DEPDC5: variants seen among roughly 807,000 people sequenced by gnomAD.
The protein encoded by DEPDC5 is GATOR1 complex protein DEPDC5.
Under a neutral mutation model 217.3 loss-of-function variants are expected in DEPDC5, and 73 were observed. The ratio of observed to expected loss-of-function variants is 0.34; its 90% CI spans 0.28 to 0.41. The LOEUF (loss-of-function observed/expected upper bound fraction) is 0.41, where lower values mean the gene tolerates loss of function less well. DEPDC5 is among the 10% of genes least tolerant of loss of function. The probability of loss-of-function intolerance (pLI) is 1.00; values close to 1 mark genes in which losing one functional copy is unlikely to be tolerated. For missense variants in DEPDC5, 1,675 were observed against 2,070.1 expected (o/e 0.81, Z 3.70); for synonymous variants, 733 against 756.7 (o/e 0.97, Z 0.51).
chr22:31,796,832 G>T (rs2086293420), intron 12 of DEPDC5, among the ~76,000 whole-genome samples: 1 of 151,792 alleles, frequency 6.6e-6, no homozygotes, highest in Admixed American at 6.6e-5. Flanking sequence ...AAGTAGCTGG[G>T]ATTACAGGTG....
chr22:31,892,809 A>T (rs968899066), intron 38 of DEPDC5, among the ~76,000 whole-genome samples: 1 of 150,936 alleles, frequency 6.6e-6, no homozygotes, highest in Admixed American at 6.6e-5. Context: ...ATAAACCTAC[A>T]TTGACATCAT....
At chr22:31,835,575 C>G (rs1038208143) in intron 25 of DEPDC5, among the ~76,000 whole-genome samples, 1 of 152,130 alleles carries the variant, frequency 6.6e-6, no homozygotes, top group Non-Finnish European at 1.5e-5. Context: ...CTGATGATGG[C>G]CAGGATGATC....
intron 13 of DEPDC5, among the ~76,000 whole-genome samples, chr22:31,798,135 C>T (rs987464089): frequency 6.6e-6 from 1 of 152,052 alleles, no homozygotes. Flanking sequence ...GTTGACCAGG[C>T]TTGTTTCAAA....
chr22:31,766,819 C>A, intron 6 of DEPDC5, 151 bp downstream of exon 6: 1 of 702,606 alleles, frequency 1.4e-6, no homozygotes, highest in Admixed American at 3.1e-5. Flanking sequence ...CTTCCATTCT[C>A]TTTTCACTGT....
At chr22:31,783,533 C>T (rs560687216) in intron 8 of DEPDC5, among the ~76,000 whole-genome samples, 1 of 152,072 alleles carries the variant, frequency 6.6e-6, no homozygotes, top group Non-Finnish European at 1.5e-5. Flanking sequence ...TGGTGGTGCA[C>T]TCCCATAGTT....
At chr22:31,887,439 A>AAAAAAAAAT in intron 38 of DEPDC5, among the ~76,000 whole-genome samples, 1 of 150,574 alleles carries the variant, frequency 6.6e-6, no homozygotes. Flanking sequence ...AAAAAAAAAA[A>AAAAAAAAAT]GAGAAAAGTC....
intron 1 of DEPDC5, among the ~76,000 whole-genome samples, 158 bp from the exon 2 acceptor site, chr22:31,754,704 C>A (rs548483739): frequency 2.6e-5 from 4 of 152,364 alleles, no homozygotes; most frequent in Admixed American, 2.6e-4. Context: ...TATTTGTTCT[C>A]CATCGCTCCT....
intron 16 of DEPDC5, among the ~76,000 whole-genome samples, chr22:31,804,628 C>A (rs1028326928): frequency 4.6e-5 from 7 of 152,094 alleles, no homozygotes; most frequent in Admixed American, 2.6e-4. Context: ...TTAGTAGAGA[C>A]GGGGTTTCAC....
At chr22:31,826,694 T>G (rs2090173751) in intron 24 of DEPDC5, among the ~76,000 whole-genome samples, 1 of 152,212 alleles carries the variant, frequency 6.6e-6, no homozygotes, top group African/African-American at 2.4e-5. Flanking sequence ...CTTGGCATGT[T>G]GTGATCTCAC....
intron 37 of DEPDC5, among the ~76,000 whole-genome samples, chr22:31,879,195 C>A (rs566280226): frequency 2.0e-5 from 3 of 151,232 alleles, no homozygotes; most frequent in African/African-American, 7.3e-5. Flanking sequence ...AAATGAACAG[C>A]TCAGTGCATT....
At chr22:31,857,302 T>C in intron 31 of DEPDC5, 143 bp from the exon 32 acceptor site, 1 of 636,070 alleles carries the variant, frequency 1.6e-6, no homozygotes, top group Non-Finnish European at 2.7e-6. Flanking sequence ...ATTAAGGGTA[T>C]CATGAAGGTC....
chr22:31,893,312 A>G (rs1237386767), intron 38 of DEPDC5, among the ~76,000 whole-genome samples: 1 of 152,170 alleles, frequency 6.6e-6, no homozygotes, highest in Non-Finnish European at 1.5e-5. Context: ...CACCTTCATT[A>G]TGTAACGTTT....
At chr22:31,836,923 A>G in intron 25 of DEPDC5, 49 bp from the exon 26 acceptor site, 1 of 1,172,336 alleles carries the variant, frequency 8.5e-7, no homozygotes, top group African/African-American at 1.8e-5. Flanking sequence ...CCCATCCCAC[A>G]CTTGCCATGG....
At chr22:31,758,763 G>T in intron 3 of DEPDC5, 130 bp downstream of exon 3, 1 of 895,380 alleles carries the variant, frequency 1.1e-6, no homozygotes. Context: ...CCAGCACTTT[G>T]GGAGGCTGAG....
At chr22:31,810,264 C>T (rs1281594224) in intron 19 of DEPDC5, among the ~76,000 whole-genome samples, 2 of 152,060 alleles carry the variant, frequency 1.3e-5, no homozygotes, top group African/African-American at 2.4e-5. Flanking sequence ...CACAGCTTGC[C>T]TTTATTTAGT....
chr22:31,758,729 C>CCTTTCAAA (rs1442744708), intron 3 of DEPDC5, 96 bp downstream of exon 3: 1 of 1,180,030 alleles, frequency 8.5e-7, no homozygotes, highest in Non-Finnish European at 1.2e-6. Flanking sequence ...AATGCTCATG[C>CCTTTCAAA]TGTGATGGCT....
chr22:31,776,038 C>A (rs1223491693), intron 7 of DEPDC5, among the ~76,000 whole-genome samples: 5 of 120,988 alleles, frequency 4.1e-5, no homozygotes, highest in African/African-American at 6.2e-5. Context: ...GAGACTACAT[C>A]TCAAAAAAAA....
chr22:31,869,635 G>T lies in DEPDC5; in HGVS notation c.3331-955G>T, dbSNP rs539522099. On this transcript the variant is annotated intron_variant, in intron 33 of 42. Transcript: ENST00000651528. ...GTTGTGGAGAAGAGCACCCCAGGGC[G>T]ATATGGGGCACATAGACAGGATTTA... Among the ~76,000 whole-genome samples, 7 of 151,384 alleles carry T rather than the reference G, an allele frequency of 4.6e-5. 1 individual carries two copies. The highest frequency in any genetic ancestry group is 1.3e-4 in the Admixed American group (2 of 15,200).
chr22:31,840,026 G>A (rs1470053531), intron 27 of DEPDC5, among the ~76,000 whole-genome samples: 2 of 152,162 alleles, frequency 1.3e-5, no homozygotes, highest in Non-Finnish European at 2.9e-5. Context: ...TGATTCTACA[G>A]TATCTTTGAA....
Sources: gnomAD v4.1 joint callset for allele counts (sites outside exome capture counted in the v4.1 genomes callset) on GRCh38, gnomAD v4.1.1 for gene constraint, MANE v1.5 for transcripts, NCBI Gene and HGNC (gene_info 2026-07-23, HGNC 2026-07-21) for gene names.